The following NELL1 variants were observed in gnomAD, a reference collection of about 807,000 sequenced individuals.
NELL1 encodes the protein protein kinase C-binding protein NELL1.
Under a neutral mutation model 107.4 loss-of-function variants are expected in NELL1, and 76 were observed. The ratio of observed to expected loss-of-function variants is 0.71; its 90% CI spans 0.59 to 0.86. The LOEUF (loss-of-function observed/expected upper bound fraction) is 0.86. Among genes scored for constraint, NELL1 ranks in the 40% least tolerant of loss-of-function variants. The pLI is 0.00. For missense variants in NELL1, 1,024 were observed against 1,005.5 expected (o/e 1.02, Z -0.25); for synonymous variants, 353 against 341.2 (o/e 1.03, Z -0.38).
Position 21,288,045 on chromosome 11 carries a change from T to TAAGGGAAGGAAGGGAAG in NELL1, c.1549+58604_1549+58605insGAAGAAGGGAAGGAAGG, listed in dbSNP as rs1554994477. 7.6e-5 allele frequency among the ~76,000 whole-genome samples: 11 copies of TAAGGGAAGGAAGGGAAG among 143,872 alleles called. No individual in the cohort carries two copies. In the South Asian group the frequency reaches 2.5e-3, roughly 33 times the overall value. 94.4% of individuals were successfully genotyped at this position (143,872 alleles called of 152,430 possible). ...AAGAAGGAAGGAAAGAAAGAAAAAATAAGGGAAGGAAGGAAAGAAGGAAAT... is the reference window on the plus strand; with the variant it reads ...AAGAAGGAAGGAAAGAAAGAAAAAATAAGGGAAGGAAGGGAAGAAGGGAAGGAAGGAAAGAAGGAAAT... On this transcript the variant is annotated intron_variant, in intron 14 of 19. Coordinates refer to ENST00000357134, the MANE Select transcript of NELL1 (RefSeq NM_006157.5).
At chr11:21,513,239 T>G (rs1855482154) in intron 15 of NELL1, among the ~76,000 whole-genome samples, 1 of 152,174 alleles carries the variant, frequency 6.6e-6, no homozygotes, top group Admixed American at 6.5e-5. Flanking sequence ...ACAGGAAAAA[T>G]TAATGCCTGT....
At chr11:20,926,010 A>C (rs530764412) in intron 7 of NELL1, among the ~76,000 whole-genome samples, 1 of 152,314 alleles carries the variant, frequency 6.6e-6, no homozygotes, top group South Asian at 2.1e-4. Context: ...TCTTAGTTAG[A>C]TCAAAGGTTG....
At chr11:21,001,227 A>T (rs1852212681) in intron 12 of NELL1, among the ~76,000 whole-genome samples, 1 of 152,154 alleles carries the variant, frequency 6.6e-6, no homozygotes, top group Admixed American at 6.5e-5. Flanking sequence ...TATTCTATTA[A>T]GTGGTTGGAA....
chr11:20,963,669 A>C lies in NELL1; in HGVS notation c.1300+3109A>C, dbSNP rs536186076. On this transcript the variant is annotated intron_variant, in intron 12 of 19. Coordinates refer to ENST00000357134, the MANE Select transcript of NELL1 (RefSeq NM_006157.5). Reference sequence around the variant, plus strand: ...TGGCCAAATGCCCTCCTAGGAACAGAGACTCTCTGAGGCTTCATTCGTTGT... The same window carrying C: ...TGGCCAAATGCCCTCCTAGGAACAGCGACTCTCTGAGGCTTCATTCGTTGT... 1.7e-4 allele frequency among the ~76,000 whole-genome samples: 26 copies of C among 152,240 alleles called. No homozygotes were observed. The South Asian group carries it at 5.2e-3, about 30-fold the overall frequency.
chr11:21,504,897 G>A lies in NELL1; in HGVS notation c.1646-29477G>A, dbSNP rs4279993. ...CCTTGGTATCTCTTCCTGTGATTATGTCAATATGGTGGATTCAGAGTTAAG... is the reference window on the plus strand; with the variant it reads ...CCTTGGTATCTCTTCCTGTGATTATATCAATATGGTGGATTCAGAGTTAAG... On this transcript the variant is annotated intron_variant, in intron 15 of 19. Coordinates refer to ENST00000357134, the MANE Select transcript of NELL1 (RefSeq NM_006157.5). 0.014 allele frequency among the ~76,000 whole-genome samples: 2,136 copies of A among 152,136 alleles called. 149 individuals are homozygous for A. The East Asian group carries it at 0.23, about 16-fold the overall frequency.
At chr11:21,477,876 A>C in intron 15 of NELL1, among the ~76,000 whole-genome samples, 1 of 146,562 alleles carries the variant, frequency 6.8e-6, no homozygotes, top group Non-Finnish European at 1.5e-5. Flanking sequence ...AATAATAAAT[A>C]AATTATAATA....
chr11:21,099,022 C>T (rs1249227225), intron 12 of NELL1, among the ~76,000 whole-genome samples: 1 of 151,898 alleles, frequency 6.6e-6, no homozygotes, highest in Non-Finnish European at 1.5e-5. Flanking sequence ...GTTTCCTTTA[C>T]CTAATGTAGG....
At position 20,669,670 on chromosome 11, in the gene NELL1, AT is replaced by A. The variant is rs1853844514; in HGVS notation, c.-51del. On this transcript the variant is annotated 5_prime_UTR_variant, in exon 1 of 20. Transcript: ENST00000357134. The surrounding 1 kb of genome is among the most constrained non-coding windows in gnomAD (Gnocchi z 4.4). ...CAGGCGCGCCTCAGGATCCAGGCTC[AT>A]TTGCTTCCACCTAGCTTCGGTGCCC... 5 of 1,508,934 alleles carry A rather than the reference AT, an allele frequency of 3.3e-6. No homozygotes were observed. The highest frequency in any genetic ancestry group is 3.7e-6 in the Non-Finnish European group (4 of 1,085,680). 93.5% of individuals were successfully genotyped at this position (1,508,934 alleles called of 1,614,324 possible). A position where few individuals can be genotyped will look rare whatever the true frequency, so the allele number is the denominator to read the frequency against.
chr11:21,229,573 G>C (rs956478097), intron 14 of NELL1, 119 bp downstream of exon 14: 6 of 1,355,164 alleles, frequency 4.4e-6, no homozygotes, highest in African/African-American at 1.5e-5. Flanking sequence ...CCTGCTCCTG[G>C]TTTATCAACT....
At chr11:21,393,629 A>T (rs547565327) in intron 15 of NELL1, among the ~76,000 whole-genome samples, 142 of 151,846 alleles carry the variant, frequency 9.4e-4, no homozygotes, top group Non-Finnish European at 1.7e-3. Flanking sequence ...TGTTAAAAAG[A>T]CAGGAAAGCA....
At chr11:21,008,601 A>G (rs926213959) in intron 12 of NELL1, among the ~76,000 whole-genome samples, 22 of 152,100 alleles carry the variant, frequency 1.4e-4, no homozygotes, top group African/African-American at 5.3e-4. Flanking sequence ...AAGAACTAAT[A>G]AGGAGAAAAG....
intron 14 of NELL1, among the ~76,000 whole-genome samples, chr11:21,275,602 G>T (rs896476890): frequency 5.2e-4 from 79 of 152,286 alleles, no homozygotes; most frequent in Admixed American, 5.2e-4. Flanking sequence ...AACAAAAAAA[G>T]AGAATTTTAG....
intron 15 of NELL1, among the ~76,000 whole-genome samples, chr11:21,486,959 G>A (rs74540416): frequency 1.3e-5 from 2 of 152,074 alleles, no homozygotes; most frequent in Non-Finnish European, 2.9e-5. Context: ...CAAAGACTTT[G>A]TGGTGTTTGG....
At chr11:21,502,236 T>C (rs1377326559) in intron 15 of NELL1, among the ~76,000 whole-genome samples, 2 of 152,158 alleles carry the variant, frequency 1.3e-5, no homozygotes, top group Non-Finnish European at 2.9e-5. Context: ...AGTAAATAAA[T>C]AGTCTTGATT....
chr11:21,507,334 GCCTCTT>G (rs1855305627), intron 15 of NELL1, among the ~76,000 whole-genome samples: 1 of 152,156 alleles, frequency 6.6e-6, no homozygotes, highest in African/African-American at 2.4e-5. Context: ...TAAGGTTTTA[GCCTCTT>G]GTGACATTTG....
chr11:21,404,729 T>C (rs895849936), intron 15 of NELL1, among the ~76,000 whole-genome samples: 1 of 152,022 alleles, frequency 6.6e-6, no homozygotes, highest in African/African-American at 2.4e-5. Context: ...ACTAATATGG[T>C]CCAGAACTGG....
intron 3 of NELL1, among the ~76,000 whole-genome samples, chr11:20,823,067 G>A (rs1257114750): frequency 8.5e-5 from 12 of 140,676 alleles, no homozygotes; most frequent in Admixed American, 2.2e-4. Context: ...AAAATACAAG[G>A]TCTGTATATT....
intron 14 of NELL1, 24 bp from the exon 15 acceptor site, chr11:21,370,829 A>G: frequency 1.9e-6 from 3 of 1,589,608 alleles, no homozygotes; most frequent in Non-Finnish European, 2.6e-6. Flanking sequence ...TATCTAAGAT[A>G]AATACTTTGT....
At chr11:21,077,310 G>A (rs1854159594) in intron 12 of NELL1, among the ~76,000 whole-genome samples, 1 of 152,084 alleles carries the variant, frequency 6.6e-6, no homozygotes, top group Non-Finnish European at 1.5e-5. Context: ...ATCTCATTAT[G>A]ATAGGAAATA....
Sources: gnomAD v4.1 joint callset for allele counts (sites outside exome capture counted in the v4.1 genomes callset) on GRCh38, gnomAD v4.1.1 for gene constraint, Gnocchi (gnomAD v3.1) non-coding constraint, MANE v1.5 for transcripts, NCBI Gene and HGNC (gene_info 2026-07-23, HGNC 2026-07-21) for gene names.